KSR2: variants seen among roughly 807,000 people sequenced by gnomAD.
KSR2 encodes the protein kinase suppressor of ras 2.
A neutral mutation model predicts 107.8 loss-of-function variants in KSR2; 25 were observed. The ratio of observed to expected loss-of-function variants is 0.23; its 90% CI spans 0.17 to 0.32. The LOEUF is 0.32. Among genes scored for constraint, KSR2 ranks in the 10% least tolerant of loss-of-function variants. The pLI is 1.00. For synonymous variants in KSR2, 480 were observed against 507.0 expected, an observed-to-expected ratio of 0.95 and a Z score of 0.71; for missense variants, 887 against 1,268.9, an observed-to-expected ratio of 0.70 and a Z score of 4.57.
intron 1 of KSR2, among the ~76,000 whole-genome samples, chr12:117,872,815 A>G (rs538115700): frequency 6.6e-6 from 1 of 152,316 alleles, no homozygotes; most frequent in African/African-American, 2.4e-5. Flanking sequence ...GCCAGGGTTC[A>G]GCACCCTCAA....
chr12:117,939,508 CAAGACCAGCCTGACCAACATAGTGA>C (rs1464931827), intron 1 of KSR2, among the ~76,000 whole-genome samples: 1 of 152,086 alleles, frequency 6.6e-6, no homozygotes, highest in Non-Finnish European at 1.5e-5. Context: ...GTCAGGAGTT[CAAGACCAGCCTGACCAACATAGTGA>C]AAGCCCATCT....
chr12:117,657,063 C>T (rs1390007028), intron 5 of KSR2, among the ~76,000 whole-genome samples: 1 of 146,846 alleles, frequency 6.8e-6, no homozygotes, highest in African/African-American at 2.5e-5. Context: ...TACTGCGAAA[C>T]TCTCCATTTC....
Position 117,777,089 on chromosome 12 carries a change from TA to T in KSR2, c.473-15566del, listed in dbSNP as rs1358338894. On this transcript the variant is annotated intron_variant, in intron 3 of 19. Coordinates refer to ENST00000339824, the MANE Select transcript of KSR2 (RefSeq NM_173598.6). ...GACACTGTATTTAATATATATATTT[TA>T]TATATATATATATATATACACACAC... 2.4e-4 allele frequency among the ~76,000 whole-genome samples: 24 copies of T among 100,620 alleles called. 1 individual carries two copies. Among genetic ancestry groups the T allele is most frequent in the African/African-American group, 1.4e-3 (23 of 16,908 alleles). The allele number at this position is 100,620 out of a possible 152,430, so 66.0% of individuals were successfully genotyped here.
intron 1 of KSR2, among the ~76,000 whole-genome samples, chr12:117,906,074 G>A (rs1035794598): frequency 6.6e-6 from 1 of 152,132 alleles, no homozygotes; most frequent in Non-Finnish European, 1.5e-5. Context: ...TTGCCAGCCG[G>A]GTACAGTGGC....
chr12:117,538,443 G>A (rs527741820), intron 10 of KSR2, among the ~76,000 whole-genome samples: 2 of 152,048 alleles, frequency 1.3e-5, no homozygotes, highest in South Asian at 2.1e-4. Flanking sequence ...GGTTGCATGT[G>A]GGTGCCGCCC....
intron 5 of KSR2, among the ~76,000 whole-genome samples, chr12:117,662,094 G>A (rs1019270381): frequency 1.3e-5 from 2 of 152,172 alleles, no homozygotes; most frequent in Admixed American, 6.5e-5. Flanking sequence ...GTCCCCAGGG[G>A]AAGAGGAGAT....
chr12:117,692,551 T>C (rs1182864502), intron 4 of KSR2, among the ~76,000 whole-genome samples: 1 of 144,872 alleles, frequency 6.9e-6, no homozygotes, highest in African/African-American at 2.5e-5. Flanking sequence ...TACACATACA[T>C]ATATATATAT....
chr12:117,901,705 T>C (rs567654719), intron 1 of KSR2, among the ~76,000 whole-genome samples: 2 of 152,264 alleles, frequency 1.3e-5, no homozygotes, highest in South Asian at 4.1e-4. Context: ...GTTGGCTGTT[T>C]TAAGACCTTA....
At chr12:117,485,537 C>A in intron 15 of KSR2, 58 bp downstream of exon 15, 2 of 1,386,346 alleles carry the variant, frequency 1.4e-6, no homozygotes, top group Non-Finnish European at 1.0e-6. Context: ...GGGGGGCTTC[C>A]CTGGGGGAAA....
At position 117,945,624 on chromosome 12, in the gene KSR2, AG is replaced by A. The variant is rs527548577; in HGVS notation, c.180+22451del. On this transcript the variant is annotated intron_variant, in intron 1 of 19. Coordinates refer to ENST00000339824, the MANE Select transcript of KSR2 (RefSeq NM_173598.6). The stretch of plus-strand genomic sequence containing the variant: ...CGGAGGTAGAGGTTGCAATGAGCCA[AG>A]GTCGTGCCATTGCACTCCAGCCTGG... 2.8e-3 allele frequency among the ~76,000 whole-genome samples: 425 copies of A among 152,306 alleles called. 4 individuals are homozygous for A. The highest frequency in any genetic ancestry group is 4.1e-3 in the Non-Finnish European group (276 of 68,028).
intron 4 of KSR2, among the ~76,000 whole-genome samples, chr12:117,745,534 C>T (rs1024582897): frequency 6.6e-6 from 1 of 152,024 alleles, no homozygotes; most frequent in Non-Finnish European, 1.5e-5. Context: ...TGGGCAAAGA[C>T]CTCTCTCACC....
chr12:117,702,413 T>C (rs1886367161), intron 4 of KSR2, among the ~76,000 whole-genome samples: 1 of 152,148 alleles, frequency 6.6e-6, no homozygotes, highest in South Asian at 2.1e-4. Context: ...CACCTAAATA[T>C]TGGAATGACT....
In KSR2 at chr12:117,897,240, A is replaced by T. The variant is rs879224053; in HGVS notation, c.181-36809T>A. On this transcript the variant is annotated intron_variant, in intron 1 of 19. Coordinates refer to ENST00000339824, the MANE Select transcript of KSR2 (RefSeq NM_173598.6). The surrounding 1 kb of genome is among the most constrained non-coding windows in gnomAD (Gnocchi z 4.5). ...ATTATGCACATCAGAAATGATCTGG[A>T]GGGGGCAAACATGCCAGGGCAGTGG... 6.6e-6 allele frequency among the ~76,000 whole-genome samples: 1 copy of T among 152,284 alleles called. No individual in the cohort carries two copies. Among genetic ancestry groups the T allele is most frequent in the Non-Finnish European group, 1.5e-5 (1 of 68,018 alleles).
Position 117,458,218 on chromosome 12 carries a change from C to T in KSR2, c.*8981G>A, listed in dbSNP as rs961065157. 1.3e-5 allele frequency: 2 copies of T among 152,222 alleles called. No homozygotes were observed. Among genetic ancestry groups the T allele is most frequent in the African/African-American group, 2.4e-5 (1 of 41,462 alleles). 9.4% of individuals were successfully genotyped at this position (152,222 alleles called of 1,614,324 possible). ...CCAGACAAACCCAGAATGCCAGCAT[C>T]TGTGTGAGGACACAAAGACCTCTCT... On this transcript the variant is annotated 3_prime_UTR_variant, in exon 20 of 20. Coordinates refer to ENST00000339824, the MANE Select transcript of KSR2 (RefSeq NM_173598.6).
chr12:117,885,534 T>C (rs766336511), intron 1 of KSR2, among the ~76,000 whole-genome samples: 66 of 152,100 alleles, frequency 4.3e-4, no homozygotes, highest in Non-Finnish European at 7.5e-4. Flanking sequence ...TTTTTTATAA[T>C]ATGCATATAT....
chr12:117,697,116 G>A (rs772254683), intron 4 of KSR2, among the ~76,000 whole-genome samples: 6 of 152,182 alleles, frequency 3.9e-5, no homozygotes, highest in East Asian at 1.9e-4. Context: ...GAGAACAAAC[G>A]AAGCTGCTTT....
At chr12:117,579,322 G>A (rs189264152) in intron 6 of KSR2, 120 bp from the exon 7 acceptor site, 23 of 737,066 alleles carry the variant, frequency 3.1e-5, no homozygotes, top group Admixed American at 1.3e-4. Flanking sequence ...TGTTTCTTTC[G>A]AGCTGTGTGA....
intron 4 of KSR2, among the ~76,000 whole-genome samples, chr12:117,680,376 C>G (rs1208409059): frequency 6.6e-6 from 1 of 152,202 alleles, no homozygotes; most frequent in African/African-American, 2.4e-5. Context: ...TTTAAATGCT[C>G]AAAAGCTACA....
At chr12:117,569,156 T>C (rs1046219792) in intron 7 of KSR2, among the ~76,000 whole-genome samples, 1 of 151,582 alleles carries the variant, frequency 6.6e-6, no homozygotes, top group Non-Finnish European at 1.5e-5. Context: ...TGCAAAAAAA[T>C]TGGACATTTT....
Sources: allele counts gnomAD v4.1 joint callset (sites outside exome capture counted in the v4.1 genomes callset), GRCh38; gene constraint gnomAD v4.1.1; non-coding constraint Gnocchi (gnomAD v3.1); transcripts MANE v1.5; gene names NCBI Gene and HGNC (gene_info 2026-07-23, HGNC 2026-07-21).